ADAMTSL3: variants seen among roughly 807,000 people sequenced by gnomAD.
ADAMTSL3 encodes the protein ADAMTS-like protein 3.
Under a neutral mutation model 201.7 loss-of-function variants are expected in ADAMTSL3, and 128 were observed. That is an observed-to-expected ratio of 0.63 (90% CI 0.55 to 0.73). The LOEUF is 0.73. Among genes scored for constraint, ADAMTSL3 ranks in the 30% least tolerant of loss-of-function variants. The pLI is 0.00. For synonymous variants in ADAMTSL3, 738 were observed against 748.4 expected (o/e 0.99, Z 0.23); for missense variants, 1,990 against 2,119.6 (o/e 0.94, Z 1.20).
intron 16 of ADAMTSL3, among the ~76,000 whole-genome samples, chr15:83,916,580 G>C (rs111894654): frequency 6.6e-6 from 1 of 152,014 alleles, no homozygotes; most frequent in Admixed American, 6.5e-5. Context: ...TGAGATTAAA[G>C]TTCCTTATAA....
At chr15:83,919,797 G>A (rs529064704) in intron 16 of ADAMTSL3, among the ~76,000 whole-genome samples, 1 of 152,226 alleles carries the variant, frequency 6.6e-6, no homozygotes, top group South Asian at 2.1e-4. Context: ...AAGATTGAAG[G>A]GGGTGAAACT....
At chr15:83,672,890 G>A (rs995116050) in intron 2 of ADAMTSL3, among the ~76,000 whole-genome samples, 1 of 152,206 alleles carries the variant, frequency 6.6e-6, no homozygotes, top group Non-Finnish European at 1.5e-5. Flanking sequence ...GCATCTTGGA[G>A]GTAGACCGGT....
chr15:83,703,569 CA>C (rs1567084483), intron 2 of ADAMTSL3, among the ~76,000 whole-genome samples: 1 of 152,132 alleles, frequency 6.6e-6, no homozygotes, highest in Non-Finnish European at 1.5e-5. Flanking sequence ...ATGGTTTTAT[CA>C]GGGGTTTCCG....
rs1168003321 is a variant in ADAMTSL3 at position 83,874,160 on chromosome 15, C to T, written c.960+3201C>T. On this transcript the variant is annotated intron_variant, in intron 9 of 29. Transcript: ENST00000286744. ...GGAAAGCCTTCTCCCTCTCCTGGCGCCAGGACAAAGGAAGCGGGCAGCGAG... is the reference window on the plus strand; with the variant it reads ...GGAAAGCCTTCTCCCTCTCCTGGCGTCAGGACAAAGGAAGCGGGCAGCGAG... 4.3e-5 allele frequency among the ~76,000 whole-genome samples: 6 copies of T among 139,344 alleles called. 2 individuals are homozygous for T. In the East Asian group the frequency reaches 1.4e-3, roughly 32 times the overall value. The allele number at this position is 139,344 out of a possible 152,430, so 91.4% of individuals were successfully genotyped here. A position where few individuals can be genotyped will look rare whatever the true frequency, so the allele number is the denominator to read the frequency against.
In ADAMTSL3 at chr15:83,943,091, C is replaced by A. The variant is rs769717203; in HGVS notation, c.2490+9C>A. The stretch of plus-strand genomic sequence containing the variant: ...TGGGAGACTGGTCGAAGGTAAGGGC[C>A]AGGCTCAACTTTATAGTCCCTTCTT... On this transcript the variant is annotated intron_variant, in intron 19 of 29. Transcript: ENST00000286744. The A allele has an allele frequency of 6.3e-7, 1 of 1,597,588 alleles. No homozygotes were observed. Among genetic ancestry groups the A allele is most frequent in the Admixed American group, 1.8e-5 (1 of 56,044 alleles).
At chr15:83,882,159 A>AAAAG (rs779395189) in intron 9 of ADAMTSL3, among the ~76,000 whole-genome samples, 1 of 152,218 alleles carries the variant, frequency 6.6e-6, no homozygotes, top group Non-Finnish European at 1.5e-5. Context: ...CTGTGTCAAA[A>AAAAG]AAAGAAAGAA....
chr15:83,913,142 T>C lies in ADAMTSL3; in HGVS notation c.1751T>C (p.Val584Ala). 2.5e-6 allele frequency: 4 copies of C among 1,614,150 alleles called. No individual in the cohort carries two copies. Among genetic ancestry groups the C allele is most frequent in the South Asian group, 1.1e-5 (1 of 91,076 alleles). The change falls in exon 16 of 30, where the codon GTG becomes GCG. Residue 584 changes from valine (V) to alanine (A), a missense_variant. Coordinates refer to ENST00000286744, the MANE Select transcript of ADAMTSL3 (RefSeq NM_207517.3). ...SACSTTCGPG[V>A]QVREVKCRVL... ...TGCAGTACCACGTGTGGGCCGGGTG[T>C]GCAGGTCCGTGAGGTGAAGTGCCGT...
chr15:83,699,321 G>A (rs2061734087), intron 2 of ADAMTSL3, among the ~76,000 whole-genome samples: 1 of 152,006 alleles, frequency 6.6e-6, no homozygotes, highest in Non-Finnish European at 1.5e-5. Flanking sequence ...TCTGCCTCAG[G>A]GCTATCCATC....
chr15:83,993,991 C>T (rs186328772), intron 23 of ADAMTSL3, among the ~76,000 whole-genome samples: 49 of 152,336 alleles, frequency 3.2e-4, no homozygotes, highest in South Asian at 1.0e-3. Flanking sequence ...ATGCAGCTGA[C>T]GTGAGTCCCT....
chr15:83,849,610 C>G (rs530044318), intron 7 of ADAMTSL3, among the ~76,000 whole-genome samples: 1 of 152,194 alleles, frequency 6.6e-6, no homozygotes, highest in African/African-American at 2.4e-5. Context: ...ACTGTACTTA[C>G]AATTGCTTCC....
intron 28 of ADAMTSL3, among the ~76,000 whole-genome samples, chr15:84,034,507 T>G (rs889412320): frequency 6.6e-6 from 1 of 152,148 alleles, no homozygotes; most frequent in African/African-American, 2.4e-5. Flanking sequence ...AGCCCAGACT[T>G]ATGGCAAGGT....
intron 6 of ADAMTSL3, among the ~76,000 whole-genome samples, chr15:83,828,056 A>AT: frequency 6.6e-6 from 1 of 152,312 alleles, no homozygotes; most frequent in Middle Eastern, 3.4e-3. Flanking sequence ...CTGTGAAGAA[A>AT]TTCTGTGAAG....
intron 4 of ADAMTSL3, among the ~76,000 whole-genome samples, chr15:83,774,195 A>G (rs1327971775): frequency 6.6e-6 from 1 of 152,224 alleles, no homozygotes; most frequent in African/African-American, 2.4e-5. Context: ...GGACAGTTTA[A>G]TTCCCAGTCA....
At chr15:83,930,699 A>G (rs2066339524) in intron 17 of ADAMTSL3, among the ~76,000 whole-genome samples, 1 of 152,210 alleles carries the variant, frequency 6.6e-6, no homozygotes, top group Admixed American at 6.5e-5. Context: ...ACTATTCCTC[A>G]TTTCAAAGTT....
chr15:83,832,133 T>C (rs924595248), intron 6 of ADAMTSL3, among the ~76,000 whole-genome samples: 1 of 152,162 alleles, frequency 6.6e-6, no homozygotes, highest in African/African-American at 2.4e-5. Context: ...GAGATATTGT[T>C]TGATGGCCTC....
In ADAMTSL3 at chr15:83,821,971, C is replaced by T. The variant is rs539877964; in HGVS notation, c.600+1924C>T. Among the ~76,000 whole-genome samples, 6 of 148,724 alleles carry T rather than the reference C, an allele frequency of 4.0e-5. No homozygotes were observed. The East Asian group carries it at 6.3e-4, about 16-fold the overall frequency. ...CCGGGCAGAGGCGCCCCTCACCTCC[C>T]GGACGGGGCTGCTGGCCGGGCGGGT... On this transcript the variant is annotated intron_variant, in intron 6 of 29. Transcript: ENST00000286744.
intron 8 of ADAMTSL3, among the ~76,000 whole-genome samples, chr15:83,870,418 T>C (rs1054975361): frequency 1.3e-5 from 2 of 152,218 alleles, no homozygotes; most frequent in African/African-American, 4.8e-5. Flanking sequence ...AATTTGAAAT[T>C]TGCTGTGATT....
intron 27 of ADAMTSL3, among the ~76,000 whole-genome samples, chr15:84,026,686 C>T (rs2068315429): frequency 6.6e-6 from 1 of 152,062 alleles, no homozygotes; most frequent in South Asian, 2.1e-4. Context: ...AGAAACCATT[C>T]AATGGGGGAA....
intron 7 of ADAMTSL3, among the ~76,000 whole-genome samples, chr15:83,847,482 C>G (rs1009802134): frequency 6.7e-6 from 1 of 149,524 alleles, no homozygotes; most frequent in Non-Finnish European, 1.5e-5. Context: ...CTGTACAATA[C>G]CATGCCAGGT....
Sources: gnomAD v4.1 joint callset for allele counts (sites outside exome capture counted in the v4.1 genomes callset) on GRCh38, gnomAD v4.1.1 for gene constraint, MANE v1.5 for transcripts, NCBI Gene and HGNC (gene_info 2026-07-23, HGNC 2026-07-21) for gene names.